ANKRD62: variants seen among roughly 807,000 people sequenced by gnomAD.
ANKRD62 encodes ankyrin repeat domain-containing protein 62.
In ANKRD62, 61 loss-of-function variants were observed where a neutral mutation model predicts 98.8. The observed-to-expected ratio is 0.62, with a 90% CI of 0.50 to 0.76. The LOEUF (loss-of-function observed/expected upper bound fraction) is 0.76. ANKRD62 is among the 30% of genes least tolerant of loss of function. The probability of loss-of-function intolerance (pLI) is 0.00; values close to 1 mark genes in which losing one functional copy is unlikely to be tolerated. For missense variants in ANKRD62, 933 were observed against 1,082.9 expected (o/e 0.86, Z 1.94); for synonymous variants, 341 against 367.9 (o/e 0.93, Z 0.84).
rs1166628286 is a variant in ANKRD62, at chr18:12,125,757, A to G, written c.1936A>G (p.Met646Val). The stretch of plus-strand genomic sequence containing the variant: ...TGAGCTACAGAAGGAAAAACAAAGC[A>G]TGTCAAGACTGGAAACAGAAATGGA... ...NSELQKEKQS[M>V]SRLETEMESY... The change falls in exon 13 of 14, where the codon ATG becomes GTG. Residue 646 changes from methionine (M) to valine (V), a missense_variant. Coordinates refer to ENST00000587848, the MANE Select transcript of ANKRD62 (RefSeq NM_001277333.2). 6 of 1,547,122 alleles carry G rather than the reference A, an allele frequency of 3.9e-6. No individual in the cohort carries two copies. In the Admixed American group the frequency reaches 1.2e-4, roughly 30 times the overall value.
chr18:12,135,729 G>T, the ANKRD62 span, among the ~76,000 whole-genome samples: 4 of 151,298 alleles, frequency 2.6e-5, no homozygotes, highest in Admixed American at 6.6e-5. Context: ...TTTAATGATC[G>T]CCATTCTAAC....
chr18:12,168,725 C>T, the ANKRD62 span, among the ~76,000 whole-genome samples: 23 of 152,126 alleles, frequency 1.5e-4, no homozygotes, highest in African/African-American at 4.8e-4. Flanking sequence ...TTACCTTGGG[C>T]AGTATGGCCA....
chr18:12,138,862 C>A, the ANKRD62 span, among the ~76,000 whole-genome samples: 1 of 152,218 alleles, frequency 6.6e-6, no homozygotes, highest in East Asian at 1.9e-4. Context: ...AGTAGGATTG[C>A]AACCCCTCCC....
the ANKRD62 span, among the ~76,000 whole-genome samples, chr18:12,166,584 C>T: frequency 6.6e-6 from 1 of 152,018 alleles, no homozygotes; most frequent in Non-Finnish European, 1.5e-5. Flanking sequence ...TTTGAATTCT[C>T]AGTCTGAAAA....
chr18:12,136,521 A>C, the ANKRD62 span, among the ~76,000 whole-genome samples: 1 of 152,176 alleles, frequency 6.6e-6, no homozygotes, highest in South Asian at 2.1e-4. Flanking sequence ...TGACTTGGCG[A>C]TGCGGGCTCT....
the ANKRD62 span, among the ~76,000 whole-genome samples, chr18:12,162,095 A>G: frequency 6.6e-6 from 1 of 152,100 alleles, no homozygotes; most frequent in Non-Finnish European, 1.5e-5. Context: ...AGGAACCTCC[A>G]AACTGTGCTC....
At chr18:12,160,307 C>T in the ANKRD62 span, among the ~76,000 whole-genome samples, 2 of 152,162 alleles carry the variant, frequency 1.3e-5, no homozygotes, top group African/African-American at 4.8e-5. Context: ...TGTGCATGTA[C>T]ATGTGTAGGT....
the ANKRD62 span, among the ~76,000 whole-genome samples, chr18:12,134,978 C>T: frequency 6.6e-6 from 1 of 152,136 alleles, no homozygotes; most frequent in Non-Finnish European, 1.5e-5. Context: ...AACTAATTTA[C>T]AGTCCCACCA....
At chr18:12,118,630 A>G (rs1376393512) in intron 10 of ANKRD62, among the ~76,000 whole-genome samples, 1 of 150,922 alleles carries the variant, frequency 6.6e-6, no homozygotes, top group East Asian at 1.9e-4. Flanking sequence ...AAAAAAAAAG[A>G]AAGAAAGTAG....
In ANKRD62 at chr18:12,107,357, T is replaced by A; in HGVS notation, c.954T>A (p.Ala318=). 2 of 1,519,044 alleles carry A rather than the reference T, an allele frequency of 1.3e-6. No individual in the cohort carries two copies. The highest frequency in any genetic ancestry group is 1.8e-6 in the Non-Finnish European group (2 of 1,139,038). 94.1% of individuals were successfully genotyped at this position (1,519,044 alleles called of 1,614,324 possible). A position where few individuals can be genotyped will look rare whatever the true frequency, so the allele number is the denominator to read the frequency against. ...KKMEVSRNVH[A]DDSDNYNDDV... ...TGGAAGTGTCAAGAAACGTACATGC[T>A]GATGACAGTGACAATTATAATGATG... Residue 318 remains alanine, a synonymous_variant, in exon 8 of 14, where the codon GCT becomes GCA. Transcript: ENST00000587848.
At chr18:12,135,857 G>A in the ANKRD62 span, among the ~76,000 whole-genome samples, 2 of 152,092 alleles carry the variant, frequency 1.3e-5, no homozygotes, top group Non-Finnish European at 2.9e-5. Context: ...AGAAGTGTCT[G>A]TTCATATCCT....
the ANKRD62 span, among the ~76,000 whole-genome samples, chr18:12,158,612 G>A: frequency 7.9e-5 from 12 of 151,564 alleles, no homozygotes; most frequent in East Asian, 2.1e-3. Flanking sequence ...CGCAAGCTCT[G>A]CCTCCCGGGT....
chr18:12,126,129 C>A lies in ANKRD62; in HGVS notation c.2308C>A (p.Gln770Lys). 1 of 1,536,098 alleles carries A rather than the reference C, an allele frequency of 6.5e-7. No homozygotes were observed. The change falls in exon 13 of 14, where the codon CAA becomes AAA. Residue 770 changes from glutamine (Q) to lysine (K), a missense_variant. Gln to Lys is a moderately conservative substitution (Grantham distance 53, BLOSUM62 1). Transcript: ENST00000587848. ...PILEKYVRKQ[Q>K]SVEDGLFQLQ... ...TTTGGAAAAATACGTGAGAAAGCAG[C>A]AATCTGTAGAGGATGGACTATTTCA...
rs1342445059 is a variant in ANKRD62 at position 12,102,658 on chromosome 18, A to G, written c.821-500A>G. On this transcript the variant is annotated intron_variant, in intron 6 of 13. Coordinates refer to ENST00000587848, the MANE Select transcript of ANKRD62 (RefSeq NM_001277333.2). Reference sequence around the variant, plus strand: ...GTTTACACAGCTGTTGAAAAATGAAATTTGTCAGAATAGTAGAGGAAGACA... The same window carrying G: ...GTTTACACAGCTGTTGAAAAATGAAGTTTGTCAGAATAGTAGAGGAAGACA... 16 of 958,946 alleles carry G rather than the reference A, an allele frequency of 1.7e-5. No individual in the cohort carries two copies. The East Asian group carries it at 6.1e-4, about 36-fold the overall frequency. The allele number at this position is 958,946 out of a possible 1,614,324, so 59.4% of individuals were successfully genotyped here. A position where few individuals can be genotyped will look rare whatever the true frequency, so the allele number is the denominator to read the frequency against.
intron 8 of ANKRD62, among the ~76,000 whole-genome samples, chr18:12,114,588 G>GA (rs1909618465): frequency 6.6e-6 from 1 of 151,976 alleles, no homozygotes; most frequent in Non-Finnish European, 1.5e-5. Flanking sequence ...ATTGCTGGGA[G>GA]GATTTAAATG....
intron 6 of ANKRD62, among the ~76,000 whole-genome samples, chr18:12,100,303 A>G (rs1270129783): frequency 1.3e-5 from 2 of 152,216 alleles, no homozygotes; most frequent in Non-Finnish European, 2.9e-5. Flanking sequence ...AGAAATTCAT[A>G]ATGAAGAAAG....
At chr18:12,167,342 GTT>G in the ANKRD62 span, among the ~76,000 whole-genome samples, 1 of 151,630 alleles carries the variant, frequency 6.6e-6, no homozygotes, top group African/African-American at 2.4e-5. Flanking sequence ...GTGTCCAAGC[GTT>G]CTCATTGTTC....
the ANKRD62 span, among the ~76,000 whole-genome samples, chr18:12,136,670 C>A: frequency 6.6e-6 from 1 of 152,140 alleles, no homozygotes; most frequent in African/African-American, 2.4e-5. Context: ...TTCTTCGTAC[C>A]CATCAGCATG....
chr18:12,110,317 C>G (rs1431642955), intron 8 of ANKRD62, among the ~76,000 whole-genome samples: 1 of 152,038 alleles, frequency 6.6e-6, no homozygotes, highest in Non-Finnish European at 1.5e-5. Context: ...AAATACTGTC[C>G]TTGAAATCAT....
Sources: gnomAD v4.1 joint callset for allele counts (sites outside exome capture counted in the v4.1 genomes callset) on GRCh38, gnomAD v4.1.1 for gene constraint, MANE v1.5 for transcripts, NCBI Gene and HGNC (gene_info 2026-07-23, HGNC 2026-07-21) for gene names.